Variants in UVSSA observed in about 807,000 individuals in gnomAD.
UVSSA encodes UV stimulated scaffold protein A.
A neutral mutation model predicts 73.9 loss-of-function variants in UVSSA; 72 were observed. The ratio of observed to expected loss-of-function variants is 0.97; its 90% confidence interval spans 0.81 to 1.19. UVSSA has a LOEUF of 1.19. UVSSA is among the 50% of genes most tolerant of loss of function. The pLI is 0.00. For synonymous variants in UVSSA, 454 were observed against 391.3 expected (o/e 1.16, Z -1.89); for missense variants, 1,150 against 965.0 (o/e 1.19, Z -2.54).
chr4:1,360,577 G>A (rs112778091), intron 7 of UVSSA, among the ~76,000 whole-genome samples: 14 of 152,284 alleles, frequency 9.2e-5, no homozygotes, highest in Admixed American at 2.0e-4. Context: ...AGAGGCTGGC[G>A]CCTGCTTCCC....
At chr4:1,373,862 T>C (rs1718429556) in intron 8 of UVSSA, among the ~76,000 whole-genome samples, 1 of 152,128 alleles carries the variant, frequency 6.6e-6, no homozygotes, top group Non-Finnish European at 1.5e-5. Context: ...ACCCAACAAG[T>C]CCTCTGCACC....
chr4:1,349,442 T>C, intron 2 of UVSSA, 82 bp from the exon 3 acceptor site: 1 of 1,364,016 alleles, frequency 7.3e-7, no homozygotes, highest in East Asian at 2.4e-5. Flanking sequence ...CACACGTGCG[T>C]GCGGCATCCA....
At chr4:1,379,972 T>C in intron 10 of UVSSA, 75 bp from the exon 11 acceptor site, 4 of 1,499,058 alleles carry the variant, frequency 2.7e-6, no homozygotes, top group Non-Finnish European at 3.6e-6. Context: ...GGCCTTCCCC[T>C]GTGCCTGCAC....
chr4:1,352,399 G>C (rs1167322880), intron 4 of UVSSA, among the ~76,000 whole-genome samples: 1 of 152,208 alleles, frequency 6.6e-6, no homozygotes, highest in Non-Finnish European at 1.5e-5. Flanking sequence ...CACTGGAAAC[G>C]CAGGCCTCAG....
chr4:1,385,501 C>G (rs1720012380), intron 13 of UVSSA: 1 of 309,088 alleles, frequency 3.2e-6, no homozygotes, highest in Admixed American at 4.3e-5. Flanking sequence ...CTGACGCCTC[C>G]TGGCTGCATC....
At chr4:1,363,344 T>C (rs1045264040) in intron 7 of UVSSA, among the ~76,000 whole-genome samples, 2 of 152,094 alleles carry the variant, frequency 1.3e-5, no homozygotes, top group African/African-American at 4.8e-5. Flanking sequence ...AAATGAACCA[T>C]TATTTGGGGA....
chr4:1,350,009 T>G (rs1714446654), intron 3 of UVSSA, among the ~76,000 whole-genome samples, 155 bp downstream of exon 3: 2 of 151,826 alleles, frequency 1.3e-5, no homozygotes, highest in African/African-American at 4.8e-5. Context: ...ATCTGTGGGG[T>G]GTGGGAAAGA....
intron 7 of UVSSA, among the ~76,000 whole-genome samples, chr4:1,360,926 C>A (rs1479894868): frequency 6.6e-6 from 1 of 152,224 alleles, no homozygotes; most frequent in Non-Finnish European, 1.5e-5. Flanking sequence ...TCAGTAAGAA[C>A]CAGGCCCACA....
chr4:1,346,519 G>A (rs1264782798), upstream of UVSSA, among the ~76,000 whole-genome samples: 1 of 152,208 alleles, frequency 6.6e-6, no homozygotes, highest in African/African-American at 2.4e-5. Context: ...TTCTCATTCC[G>A]CCCAGGGCCA....
At chr4:1,366,265 C>G (rs746680721) in intron 7 of UVSSA, 55 bp from the exon 8 acceptor site, 29 of 1,384,910 alleles carry the variant, frequency 2.1e-5, no homozygotes, top group Non-Finnish European at 2.8e-5. Context: ...CCACCGGGAG[C>G]TGTGTTCATA....
intron 10 of UVSSA, 26 bp from the exon 11 acceptor site, chr4:1,380,021 A>G (rs1054858226): frequency 1.6e-5 from 25 of 1,575,964 alleles, no homozygotes; most frequent in African/African-American, 1.1e-4. Flanking sequence ...TGCAGATGCT[A>G]TGAGGGCCTC....
chr4:1,342,309 CAG>C (rs1369016913), upstream of UVSSA, among the ~76,000 whole-genome samples: 4 of 152,188 alleles, frequency 2.6e-5, no homozygotes, highest in African/African-American at 7.2e-5. Flanking sequence ...ACTGGGGCCA[CAG>C]TGTGATTTTC....
At chr4:1,350,066 C>G (rs1714461029) in intron 3 of UVSSA, among the ~76,000 whole-genome samples, 3 of 152,158 alleles carry the variant, frequency 2.0e-5, no homozygotes. Context: ...CGGCGCAGCT[C>G]TGAGAGGAAG....
At chr4:1,349,094 C>T (rs1393243482) in intron 2 of UVSSA, among the ~76,000 whole-genome samples, 2 of 151,728 alleles carry the variant, frequency 1.3e-5, no homozygotes, top group African/African-American at 2.4e-5. Context: ...TTGTGCCGGG[C>T]GGTGTGTGTT....
chr4:1,364,401 G>C (rs1391479990), intron 7 of UVSSA, among the ~76,000 whole-genome samples: 1 of 151,824 alleles, frequency 6.6e-6, no homozygotes. Context: ...GCTGGGCTTG[G>C]AGCCGCAGTC....
At chr4:1,356,347 C>G (rs559130350) in intron 7 of UVSSA, among the ~76,000 whole-genome samples, 1 of 152,254 alleles carries the variant, frequency 6.6e-6, no homozygotes, top group Non-Finnish European at 1.5e-5. Flanking sequence ...TCAGTGGCCC[C>G]GCGTCCCCAA....
At chr4:1,353,435 CTG>C (rs766025783) in intron 5 of UVSSA, 22 bp downstream of exon 5, 1 of 1,460,206 alleles carries the variant, frequency 6.8e-7, no homozygotes. Context: ...CGCGGGGTCT[CTG>C]TGGCGCCACC....
At chr4:1,343,655 C>T (rs765293370), upstream of UVSSA, among the ~76,000 whole-genome samples, 2 of 152,116 alleles carry the variant, frequency 1.3e-5, no homozygotes, top group African/African-American at 2.4e-5. Flanking sequence ...GGCGTGGTGG[C>T]ACGTGCCTGT....
exon 14 of UVSSA, chr4:1,395,882 G>C: frequency 2.5e-6 from 4 of 1,598,230 alleles, no homozygotes; most frequent in Non-Finnish European, 3.4e-6. Context: ...GAAGAGGAGA[G>C]GGTGTTTTTG....
Sources: gnomAD v4.1 joint callset for allele counts (sites outside exome capture counted in the v4.1 genomes callset) on GRCh38, gnomAD v4.1.1 for gene constraint, MANE v1.5 for transcripts, NCBI Gene and HGNC (gene_info 2026-07-23, HGNC 2026-07-21) for gene names.